Variants in PLB1 observed in about 807,000 individuals in gnomAD.
The protein encoded by PLB1 is phospholipase B1, membrane-associated.
In PLB1, 242 loss-of-function variants were observed where a neutral mutation model predicts 227.4. That is an observed-to-expected ratio of 1.06 (90% CI 0.96 to 1.18). The LOEUF (loss-of-function observed/expected upper bound fraction) is 1.18, where lower values mean the gene tolerates loss of function less well. Ranked by LOEUF, PLB1 falls within the 50% of genes most tolerant of loss-of-function variation. The pLI is 0.00. For synonymous variants in PLB1, 757 were observed against 682.2 expected (o/e 1.11, Z -1.71); for missense variants, 1,858 against 1,816.3 (o/e 1.02, Z -0.42).
chr2:28,636,035 G>GAA (rs1294259693), intron 56 of PLB1, among the ~76,000 whole-genome samples: 36,378 of 151,450 alleles, frequency 0.24, 4,553 homozygotes, highest in East Asian at 0.33. Context: ...GTGTATGTGT[G>GAA]TGTGTGTATG....
chr2:28,631,238 C>G, intron 54 of PLB1, among the ~76,000 whole-genome samples: 1 of 152,210 alleles, frequency 6.6e-6, no homozygotes, highest in Non-Finnish European at 1.5e-5. Flanking sequence ...CTCTCTGCCC[C>G]CTTCCATCTC....
chr2:28,532,245 G>A lies in PLB1; in HGVS notation c.555+51G>A, dbSNP rs758635430. ...GGATTACAGATGCTGGGGTGGAGAG[G>A]GAGTGAACTAAACCTGCCTGATTAC... On this transcript the variant is annotated intron_variant, in intron 9 of 57. Transcript: ENST00000327757. The A allele has an allele frequency of 1.8e-5, 26 of 1,482,436 alleles. No homozygotes were observed. The South Asian group carries it at 2.8e-4, about 16-fold the overall frequency. The allele number at this position is 1,482,436 out of a possible 1,614,324, so 91.8% of individuals were successfully genotyped here.
chr2:28,634,721 AAC>A (rs1344575003), intron 56 of PLB1, among the ~76,000 whole-genome samples: 3 of 152,114 alleles, frequency 2.0e-5, no homozygotes, highest in Admixed American at 6.5e-5. Context: ...CAACCTGGGC[AAC>A]ACAGGGGAGA....
At chr2:28,589,899 C>T (rs1681589885) in intron 28 of PLB1, 106 bp from the exon 29 acceptor site, 11 of 1,354,198 alleles carry the variant, frequency 8.1e-6, no homozygotes, top group Non-Finnish European at 1.2e-5. Context: ...CAAACAAACC[C>T]CATCTCCTTC....
rs1687558087 is a variant in PLB1, at chr2:28,625,055, A to G, written c.3528-2A>G. The G allele has an allele frequency of 5.0e-6, 8 of 1,613,252 alleles. No homozygotes were observed. Among genetic ancestry groups the G allele is most frequent in the Non-Finnish European group, 6.8e-6 (8 of 1,179,526 alleles). ...ACGCCCCTCTCTCTACCCCCCACCT[A>G]GGGACATGCCAGCCCAGGCCTGGGA... On this transcript the variant is annotated splice_acceptor_variant, in intron 49 of 57. Coordinates refer to ENST00000327757, the MANE Select transcript of PLB1 (RefSeq NM_153021.5). LOFTEE classifies it high-confidence loss of function.
intron 17 of PLB1, among the ~76,000 whole-genome samples, chr2:28,553,605 G>A (rs1396202735): frequency 6.6e-6 from 1 of 152,170 alleles, no homozygotes. Flanking sequence ...ATGTAACCTT[G>A]GGAAGTCATG....
At chr2:28,582,209 G>T in intron 24 of PLB1, 76 bp downstream of exon 24, 1 of 1,507,258 alleles carries the variant, frequency 6.6e-7, no homozygotes, top group South Asian at 1.1e-5. Context: ...ATCCTGCTGA[G>T]ACCTCCTTGG....
intron 2 of PLB1, among the ~76,000 whole-genome samples, chr2:28,517,853 C>T (rs927035650): frequency 6.6e-6 from 1 of 151,234 alleles, no homozygotes; most frequent in Non-Finnish European, 1.5e-5. Context: ...CACTGCCATC[C>T]CTTTCTAGAA....
chr2:28,620,288 CA>C lies in PLB1; in HGVS notation c.3341del (p.Asn1114ThrfsTer32). On this transcript the variant is annotated frameshift_variant, in exon 47 of 58. Transcript: ENST00000327757. LOFTEE classifies it high-confidence loss of function. ...LTTAVGARPN[N>X]SSDLPTSWRG... The stretch of plus-strand genomic sequence containing the variant: ...AGACAGCAGTGGGAGCTCGACCAAA[CA>C]ACTCCAGTGACCTACCCACATCTTG... 1 of 1,605,908 alleles carries C rather than the reference CA, an allele frequency of 6.2e-7. No homozygotes were observed. The highest frequency in any genetic ancestry group is 1.1e-5 in the South Asian group (1 of 89,872).
chr2:28,567,620 C>T (rs1013124992), intron 20 of PLB1, among the ~76,000 whole-genome samples: 2 of 151,842 alleles, frequency 1.3e-5, no homozygotes, highest in Admixed American at 6.6e-5. Flanking sequence ...ACTACAGGCC[C>T]CCGCCACCAC....
Position 28,573,299 on chromosome 2 carries a change from G to A in PLB1, c.1427G>A (p.Arg476Gln), listed in dbSNP as rs906931843. 53 of 1,612,372 alleles carry A rather than the reference G, an allele frequency of 3.3e-5. No individual in the cohort carries two copies. In the Admixed American group the frequency reaches 6.2e-4, roughly 19 times the overall value. ...TTAAACCAGGCTGTGGCAGGAGGCC[G>A]AGCTGAGTAAGCAGGGGTGACCGGG... ...AFLNQAVAGG[R>Q]AEDLPVQARR... The change falls in exon 21 of 58, where the codon CGA becomes CAA. Residue 476 changes from arginine to glutamine, a missense_variant. Physicochemically the swap from Arg to Gln is conservative, Grantham distance 43 (BLOSUM62 1). Coordinates refer to ENST00000327757, the MANE Select transcript of PLB1 (RefSeq NM_153021.5).
At chr2:28,604,587 A>C (rs1166393761) in intron 40 of PLB1, 68 bp from the exon 41 acceptor site, 1 of 1,298,100 alleles carries the variant, frequency 7.7e-7, no homozygotes, top group Non-Finnish European at 1.1e-6. Context: ...CACCACCCCT[A>C]CTCTTGCCTC....
At position 28,605,949 on chromosome 2, in the gene PLB1, G is replaced by A. The variant is rs769477793; in HGVS notation, c.3057+1G>A. ...GGCCAGAGCCCTTTGGACCAATATGGTAAAATAAGTGGGGTGTTCCTTGTT... is the reference window on the plus strand; with the variant it reads ...GGCCAGAGCCCTTTGGACCAATATGATAAAATAAGTGGGGTGTTCCTTGTT... On this transcript the variant is annotated splice_donor_variant, in intron 42 of 57. Transcript: ENST00000327757. LOFTEE classifies it high-confidence loss of function. 66 of 1,598,058 alleles carry A rather than the reference G, an allele frequency of 4.1e-5. No individual in the cohort carries two copies. The highest frequency in any genetic ancestry group is 5.7e-5 in the Non-Finnish European group (66 of 1,165,600).
intron 56 of PLB1, among the ~76,000 whole-genome samples, chr2:28,635,757 T>G (rs1334538190): frequency 6.6e-6 from 1 of 152,246 alleles, no homozygotes; most frequent in Non-Finnish European, 1.5e-5. Flanking sequence ...TTCCTCTGCC[T>G]TCTTCTGTCT....
chr2:28,641,006 G>A lies in PLB1; in HGVS notation c.4173+5G>A, dbSNP rs1689912201. 6.2e-7 allele frequency: 1 copy of A among 1,612,682 alleles called. No individual in the cohort carries two copies. Among genetic ancestry groups the A allele is most frequent in the African/African-American group, 1.3e-5 (1 of 74,864 alleles). On this transcript the variant is annotated splice_donor_5th_base_variant and intron_variant, in intron 57 of 57. Coordinates refer to ENST00000327757, the MANE Select transcript of PLB1 (RefSeq NM_153021.5). ...AAACTCAAGTGCCCCTCTCCTGTGAGTAAACGTCCTGCCTGCCCCAGGTGG... is the reference window on the plus strand; with the variant it reads ...AAACTCAAGTGCCCCTCTCCTGTGAATAAACGTCCTGCCTGCCCCAGGTGG...
chr2:28,604,756 G>C lies in PLB1; in HGVS notation c.2958G>C (p.Leu986=). 1 of 1,613,906 alleles carries C rather than the reference G, an allele frequency of 6.2e-7. No homozygotes were observed. Residue 986 remains leucine, a synonymous_variant, in exon 41 of 58, where the codon CTG becomes CTC. Coordinates refer to ENST00000327757, the MANE Select transcript of PLB1 (RefSeq NM_153021.5). ...TCCAGAACATCCAGCTCCCTGTCCTGGCGGTATGTCCCCTGCCCTCACCCA... is the reference window on the plus strand; with the variant it reads ...TCCAGAACATCCAGCTCCCTGTCCTCGCGGTATGTCCCCTGCCCTCACCCA... The part of the protein sequence containing the change: ...PFFQNIQLPV[L]ADGLPDTSFF...
chr2:28,566,249 T>TGG (rs34700848), intron 19 of PLB1, among the ~76,000 whole-genome samples: 3,341 of 151,346 alleles, frequency 0.022, 50 homozygotes, highest in Middle Eastern at 0.034. Flanking sequence ...CAGAATGGGG[T>TGG]GGGGGGGTGT....
At chr2:28,547,412 G>A (rs1047136088) in intron 14 of PLB1, among the ~76,000 whole-genome samples, 8 of 152,166 alleles carry the variant, frequency 5.3e-5, no homozygotes, top group Non-Finnish European at 1.2e-4. Flanking sequence ...GAGCTAGAGA[G>A]TTGCCACTCC....
intron 14 of PLB1, 112 bp downstream of exon 14, chr2:28,543,380 A>G (rs1672776966): frequency 1.7e-6 from 2 of 1,170,530 alleles, no homozygotes; most frequent in South Asian, 1.5e-5. Context: ...TCCCAGGACA[A>G]TGGTTCTGGG....
Sources: allele counts gnomAD v4.1 joint callset (sites outside exome capture counted in the v4.1 genomes callset), GRCh38; gene constraint gnomAD v4.1.1; transcripts MANE v1.5; gene names NCBI Gene and HGNC (gene_info 2026-07-23, HGNC 2026-07-21).